XPO6: variants seen among roughly 807,000 people sequenced by gnomAD.
XPO6 encodes the protein exportin 6.
XPO6 carries 3 observed loss-of-function variants against 130.0 expected under a neutral mutation model. That is an observed-to-expected ratio of 0.02 (90% CI 0.01 to 0.06). The LOEUF is 0.06. Ranked by LOEUF, XPO6 falls within the 10% of genes least tolerant of loss-of-function variation. The probability of loss-of-function intolerance (pLI) is 1.00; values close to 1 mark genes in which losing one functional copy is unlikely to be tolerated. For synonymous variants in XPO6, 524 were observed against 548.9 expected (o/e 0.95, Z 0.63); for missense variants, 970 against 1,393.0 (o/e 0.70, Z 4.83).
intron 4 of XPO6, among the ~76,000 whole-genome samples, chr16:28,171,423 A>AGT (rs1287385074): frequency 6.7e-6 from 1 of 148,764 alleles, no homozygotes; most frequent in African/African-American, 2.5e-5. Context: ...ACTGTATTCC[A>AGT]GCCTGGGCAA....
At chr16:28,189,505 C>T (rs939987267) in intron 1 of XPO6, among the ~76,000 whole-genome samples, 5 of 151,858 alleles carry the variant, frequency 3.3e-5, no homozygotes, top group Admixed American at 6.6e-5. Flanking sequence ...GATAGGACAG[C>T]GTAAGGCCAA....
At chr16:28,114,043 GATAAC>G (rs2086993949) in intron 15 of XPO6, among the ~76,000 whole-genome samples, 1 of 152,068 alleles carries the variant, frequency 6.6e-6, no homozygotes, top group Non-Finnish European at 1.5e-5. Flanking sequence ...AGACTTGGAG[GATAAC>G]ATAATAGAAT....
chr16:28,106,162 C>A lies in XPO6; in HGVS notation c.2665G>T (p.Val889Leu), dbSNP rs2086774612. 1 of 1,614,178 alleles carries A rather than the reference C, an allele frequency of 6.2e-7. No homozygotes were observed. Among genetic ancestry groups the A allele is most frequent in the East Asian group, 2.2e-5 (1 of 44,880 alleles). Residue 889 changes from valine (V) to leucine (L), a missense_variant, in exon 20 of 24, where the codon GTG becomes TTG. Physicochemically the swap from Val to Leu is conservative, Grantham distance 32. Coordinates refer to ENST00000304658, the MANE Select transcript of XPO6 (RefSeq NM_015171.4). This position sits in a 1 kb window ranked among gnomAD's most constrained non-coding sequence, Gnocchi z 4.2. Reference sequence around the variant, plus strand: ...TGCAGGATCTTCAGAAACTTCTCCACCACCCGGCAGCCTGTGCTGCCCTCG... The same window carrying A: ...TGCAGGATCTTCAGAAACTTCTCCAACACCCGGCAGCCTGTGCTGCCCTCG... ...LHEGSTGCRV[V>L]EKFLKILQVV...
Position 28,211,692 on chromosome 16 carries a change from C to G in XPO6, c.-324G>C. The stretch of plus-strand genomic sequence containing the variant: ...CCGGGCCCGACCCCCGCGGGGGAGG[C>G]TGCGGGCCCAGGCAGGGGCTCCCCG... On this transcript the variant is annotated 5_prime_UTR_variant, in exon 1 of 24. Coordinates refer to ENST00000304658, the MANE Select transcript of XPO6 (RefSeq NM_015171.4). The G allele has an allele frequency of 2.6e-6, 1 of 390,342 alleles. No homozygotes were observed. Among genetic ancestry groups the G allele is most frequent in the Non-Finnish European group, 4.5e-6 (1 of 221,946 alleles). The allele number at this position is 390,342 out of a possible 1,614,324, so 24.2% of individuals were successfully genotyped here.
intron 17 of XPO6, among the ~76,000 whole-genome samples, chr16:28,110,905 C>T (rs1392166822): frequency 6.6e-6 from 1 of 152,120 alleles, no homozygotes; most frequent in East Asian, 1.9e-4. Flanking sequence ...CACAGTATAC[C>T]CTCAATATGT....
At position 28,101,407 on chromosome 16, in the gene XPO6, C is replaced by T. The variant is rs1209051052; in HGVS notation, c.3276+51G>A. 2 of 1,531,542 alleles carry T rather than the reference C, an allele frequency of 1.3e-6. No homozygotes were observed. The highest frequency in any genetic ancestry group is 9.0e-7 in the Non-Finnish European group (1 of 1,106,272). The allele number at this position is 1,531,542 out of a possible 1,614,324, so 94.9% of individuals were successfully genotyped here. A position where few individuals can be genotyped will look rare whatever the true frequency, so the allele number is the denominator to read the frequency against. On this transcript the variant is annotated intron_variant, in intron 23 of 23. Transcript: ENST00000304658. The surrounding 1 kb of genome is among the most constrained non-coding windows in gnomAD (Gnocchi z 5.4). The stretch of plus-strand genomic sequence containing the variant: ...CCCTCCTTGCTGCACAGGTGCCAGG[C>T]TTGCGTGCCCACTCTGCCCTCCTCT...
At position 28,186,391 on chromosome 16, in the gene XPO6, T is replaced by TTTTTTTTTG. The variant is rs2043695945; in HGVS notation, c.4-5361_4-5360insCAAAAAAAA. On this transcript the variant is annotated intron_variant, in intron 1 of 23. Coordinates refer to ENST00000304658, the MANE Select transcript of XPO6 (RefSeq NM_015171.4). ...CAGTTATTCTTTTTTTTTTTTTTTT[T>TTTTTTTTTG]GCTAAAGACATGGTCTCTGTTGCCA... is the stretch of plus-strand genomic sequence containing the variant. 2.0e-5 allele frequency among the ~76,000 whole-genome samples: 3 copies of TTTTTTTTTG among 146,642 alleles called. No individual in the cohort carries two copies. In the South Asian group the frequency reaches 6.4e-4, roughly 31 times the overall value.
intron 6 of XPO6, among the ~76,000 whole-genome samples, chr16:28,161,544 G>A (rs1039108423): frequency 3.3e-5 from 5 of 151,244 alleles, no homozygotes; most frequent in Non-Finnish European, 5.9e-5. Flanking sequence ...TGGCTCAGAA[G>A]ACTTTTTCCA....
At chr16:28,149,044 A>G (rs1336353209) in intron 8 of XPO6, among the ~76,000 whole-genome samples, 1 of 143,144 alleles carries the variant, frequency 7.0e-6, no homozygotes, top group East Asian at 2.0e-4. Context: ...CTCTGTCTCC[A>G]AAAAAAAAGA....
chr16:28,182,860 T>A (rs1296264672), intron 1 of XPO6, among the ~76,000 whole-genome samples: 1 of 150,828 alleles, frequency 6.6e-6, no homozygotes, highest in East Asian at 1.9e-4. Context: ...GTCTGTTTCA[T>A]AAATCGAGTC....
chr16:28,205,690 G>A (rs1484891533), intron 1 of XPO6, among the ~76,000 whole-genome samples: 1 of 152,086 alleles, frequency 6.6e-6, no homozygotes, highest in African/African-American at 2.4e-5. Context: ...TGTGACCTTG[G>A]GAAGTTGCCT....
At chr16:28,115,283 G>C (rs193173593) in intron 15 of XPO6, among the ~76,000 whole-genome samples, 1 of 152,232 alleles carries the variant, frequency 6.6e-6, no homozygotes, top group Admixed American at 6.5e-5. Context: ...CTTATGAAAC[G>C]TATTTCTGAA....
At chr16:28,120,454 T>G (rs2087204754) in intron 14 of XPO6, among the ~76,000 whole-genome samples, 1 of 152,210 alleles carries the variant, frequency 6.6e-6, no homozygotes, top group South Asian at 2.1e-4. Flanking sequence ...TTATTTTATA[T>G]TTAGAATCAC....
In XPO6 at chr16:28,169,784, C is replaced by T. The variant is rs2043419940; in HGVS notation, c.531G>A (p.Leu177=). The change falls in exon 5 of 24, where the codon CTG becomes CTA. Residue 177 remains leucine, a synonymous_variant. Transcript: ENST00000304658. ...ARKEELRKLL[L]DQVQTVLGLL... Reference sequence around the variant, plus strand: ...GCCCAAGCACTGTCTGCACCTGGTCCAGTAGCAGCTTCCGCAACTCCTCCT... The same window carrying T: ...GCCCAAGCACTGTCTGCACCTGGTCTAGTAGCAGCTTCCGCAACTCCTCCT... 1 of 1,613,936 alleles carries T rather than the reference C, an allele frequency of 6.2e-7. No individual in the cohort carries two copies. The highest frequency in any genetic ancestry group is 8.5e-7 in the Non-Finnish European group (1 of 1,179,996).
At chr16:28,180,193 G>A (rs144524571) in intron 2 of XPO6, among the ~76,000 whole-genome samples, 5 of 152,064 alleles carry the variant, frequency 3.3e-5, no homozygotes, top group African/African-American at 4.8e-5. Context: ...GTGAAACCCC[G>A]TCTCTACTAA....
At chr16:28,152,250 T>A (rs2043106970) in intron 8 of XPO6, among the ~76,000 whole-genome samples, 1 of 152,214 alleles carries the variant, frequency 6.6e-6, no homozygotes, top group South Asian at 2.1e-4. Flanking sequence ...AAAACTTAAC[T>A]CTTGAGAGCT....
chr16:28,115,248 AACC>A (rs2087024855), intron 15 of XPO6, among the ~76,000 whole-genome samples: 2 of 152,224 alleles, frequency 1.3e-5, no homozygotes, highest in African/African-American at 4.8e-5. Flanking sequence ...CCACTGGAGG[AACC>A]ACCATCTATG....
intron 9 of XPO6, among the ~76,000 whole-genome samples, chr16:28,136,891 G>C (rs898188793): frequency 1.3e-5 from 2 of 152,358 alleles, no homozygotes; most frequent in Middle Eastern, 3.4e-3. Flanking sequence ...ACATCAATCT[G>C]CTCTCCAAAG....
rs2043547718 is a variant in XPO6, at chr16:28,177,206, T to C, written c.207+14A>G. On this transcript the variant is annotated intron_variant, in intron 3 of 23. Coordinates refer to ENST00000304658, the MANE Select transcript of XPO6 (RefSeq NM_015171.4). ...AATCCTTTTCAGAAGAGTATAAAAT[T>C]ACTGACAACTTACCTCAAAAACTGT... is the stretch of plus-strand genomic sequence containing the variant. 1 of 1,562,878 alleles carries C rather than the reference T, an allele frequency of 6.4e-7. No individual in the cohort carries two copies. Among genetic ancestry groups the C allele is most frequent in the Non-Finnish European group, 8.7e-7 (1 of 1,145,410 alleles).
Sources: allele counts gnomAD v4.1 joint callset (sites outside exome capture counted in the v4.1 genomes callset), GRCh38; gene constraint gnomAD v4.1.1; non-coding constraint Gnocchi (gnomAD v3.1); transcripts MANE v1.5; gene names NCBI Gene and HGNC (gene_info 2026-07-23, HGNC 2026-07-21).